REEP3: variants seen among roughly 807,000 people sequenced by gnomAD.
REEP3 encodes the protein receptor expression-enhancing protein 3.
In REEP3, 20 loss-of-function variants were observed where a neutral mutation model predicts 41.3. That is an observed-to-expected ratio of 0.48 (90% CI 0.34 to 0.70). REEP3 has a LOEUF of 0.70. REEP3 is among the 30% of genes least tolerant of loss of function. The probability of loss-of-function intolerance (pLI) is 0.01; values close to 1 mark genes in which losing one functional copy is unlikely to be tolerated. For synonymous variants in REEP3, 104 were observed against 101.8 expected (o/e 1.02, Z -0.13); for missense variants, 271 against 308.8 (o/e 0.88, Z 0.92).
intron 1 of REEP3, among the ~76,000 whole-genome samples, chr10:63,556,621 T>TC (rs1564477581): frequency 3.0e-4 from 1 of 3,284 alleles, no homozygotes; most frequent in Non-Finnish European, 2.1e-3. Flanking sequence ...CTTGTTTTTT[T>TC]TTTTGTTGTT....
intron 5 of REEP3, among the ~76,000 whole-genome samples, chr10:63,608,750 T>C (rs2133426910): frequency 6.6e-6 from 1 of 152,312 alleles, no homozygotes; most frequent in Admixed American, 6.5e-5. Context: ...AGGGGAAATG[T>C]AGTTATACAT....
chr10:63,580,383 C>A (rs1337661722), intron 2 of REEP3, among the ~76,000 whole-genome samples: 3 of 152,128 alleles, frequency 2.0e-5, no homozygotes. Context: ...GTGACCTTCC[C>A]ACTTCAGCTT....
Position 63,610,232 on chromosome 10 carries a change from G to A in REEP3, c.463G>A (p.Asp155Asn), listed in dbSNP as rs775266362. 6.2e-7 allele frequency: 1 copy of A among 1,607,250 alleles called. No homozygotes were observed. Among genetic ancestry groups the A allele is most frequent in the South Asian group, 1.1e-5 (1 of 89,758 alleles). ...ACGTTTAAGAAGCTTCAGTATGCAT[G>A]ATTTAACAACTATCCAAGGTGATGA... Reference protein sequence around the residue: ...TERLRSFSMHDLTTIQGDEPV... With the variant: ...TERLRSFSMHNLTTIQGDEPV... The change falls in exon 6 of 8, where the codon GAT becomes AAT. Residue 155 changes from aspartate (D) to asparagine (N), a missense_variant. By Grantham distance (23) the Asp-to-Asn change is conservative. Transcript: ENST00000373758.
chr10:63,544,271 G>A (rs1955556942), intron 1 of REEP3, among the ~76,000 whole-genome samples: 4 of 152,166 alleles, frequency 2.6e-5, no homozygotes, highest in African/African-American at 9.7e-5. Flanking sequence ...TAGCCTATGA[G>A]GGGATTTTTC....
intron 1 of REEP3, among the ~76,000 whole-genome samples, chr10:63,524,588 T>G (rs765677405): frequency 3.3e-5 from 5 of 151,932 alleles, no homozygotes; most frequent in Non-Finnish European, 7.4e-5. Context: ...GGACTATAGG[T>G]GCACGCCACC....
rs1956357741 is a variant in REEP3 at position 63,621,999 on chromosome 10, T to C, written c.*1130T>C. ...CACATTAGAAATTATTAGAAACATATTACTTTTTAACTTTAAATCTCAAAG... is the reference window on the plus strand; with the variant it reads ...CACATTAGAAATTATTAGAAACATACTACTTTTTAACTTTAAATCTCAAAG... On this transcript the variant is annotated 3_prime_UTR_variant, in exon 8 of 8. Transcript: ENST00000373758. The C allele has an allele frequency of 6.6e-6, 1 of 152,228 alleles. No homozygotes were observed. Among genetic ancestry groups the C allele is most frequent in the African/African-American group, 2.4e-5 (1 of 41,460 alleles). The allele number at this position is 152,228 out of a possible 1,614,324, so 9.4% of individuals were successfully genotyped here.
chr10:63,559,217 G>A (rs1162943255), intron 1 of REEP3, among the ~76,000 whole-genome samples: 2 of 152,144 alleles, frequency 1.3e-5, no homozygotes, highest in Non-Finnish European at 2.9e-5. Flanking sequence ...TCAGGGGAAA[G>A]TATAGCTAGT....
chr10:63,522,190 G>A (rs944186714), intron 1 of REEP3, among the ~76,000 whole-genome samples: 1 of 152,034 alleles, frequency 6.6e-6, no homozygotes, highest in African/African-American at 2.4e-5. Flanking sequence ...AAGGGTCCTA[G>A]TTTTCCCAAG....
At chr10:63,580,311 T>A (rs975226500) in intron 2 of REEP3, among the ~76,000 whole-genome samples, 4 of 151,996 alleles carry the variant, frequency 2.6e-5, no homozygotes, top group African/African-American at 9.7e-5. Flanking sequence ...AATTTTTGAA[T>A]TTTTTCTAGA....
intron 1 of REEP3, among the ~76,000 whole-genome samples, chr10:63,532,486 C>T (rs1955431541): frequency 6.6e-6 from 1 of 151,988 alleles, no homozygotes; most frequent in African/African-American, 2.4e-5. Context: ...CACGGTGAAA[C>T]CCTGTCTCTA....
chr10:63,524,970 C>T (rs1955346908), intron 1 of REEP3, among the ~76,000 whole-genome samples: 1 of 151,252 alleles, frequency 6.6e-6, no homozygotes, highest in Non-Finnish European at 1.5e-5. Flanking sequence ...TGAGATCGTG[C>T]CACTGCACTC....
At chr10:63,606,312 GTCTC>G (rs748629636) in intron 5 of REEP3, among the ~76,000 whole-genome samples, 84 of 89,140 alleles carry the variant, frequency 9.4e-4, no homozygotes, top group Non-Finnish European at 1.7e-3. Flanking sequence ...CTCTCTCTCT[GTCTC>G]TCTCTTTCTC....
In REEP3 at chr10:63,593,084, C is replaced by T. The variant is rs530993789; in HGVS notation, c.106-1694C>T. ...ATCCCAGCACTTCGGGAGGCCGAGG[C>T]GGGTATTCATATTTCACATTACAAT... is the stretch of plus-strand genomic sequence containing the variant. On this transcript the variant is annotated intron_variant, in intron 2 of 7. Coordinates refer to ENST00000373758, the MANE Select transcript of REEP3 (RefSeq NM_001001330.3). 5.0e-3 allele frequency among the ~76,000 whole-genome samples: 757 copies of T among 152,250 alleles called. 2 individuals are homozygous for T. Among genetic ancestry groups the T allele is most frequent in the African/African-American group, 0.015 (616 of 41,534 alleles).
At chr10:63,567,463 G>A (rs1955810646) in intron 2 of REEP3, among the ~76,000 whole-genome samples, 1 of 152,026 alleles carries the variant, frequency 6.6e-6, no homozygotes, top group Non-Finnish European at 1.5e-5. Context: ...CTTTCACTCA[G>A]CATAATGTTT....
chr10:63,594,712 T>A (rs890849807), intron 2 of REEP3, 66 bp from the exon 3 acceptor site: 1 of 940,370 alleles, frequency 1.1e-6, no homozygotes, highest in Non-Finnish European at 1.8e-6. Flanking sequence ...CATACATACA[T>A]ACATATTATT....
chr10:63,539,433 C>G (rs1177675992), intron 1 of REEP3, among the ~76,000 whole-genome samples: 1 of 152,208 alleles, frequency 6.6e-6, no homozygotes, highest in African/African-American at 2.4e-5. Context: ...GAAATTGATG[C>G]TGTCATTTAA....
At chr10:63,560,012 T>C (rs779903854) in intron 1 of REEP3, among the ~76,000 whole-genome samples, 26 of 152,120 alleles carry the variant, frequency 1.7e-4, no homozygotes, top group African/African-American at 5.5e-4. Context: ...AAGGTGTTAA[T>C]TATGTTTTAA....
intron 5 of REEP3, among the ~76,000 whole-genome samples, chr10:63,609,578 T>A (rs1284130276): frequency 6.6e-6 from 1 of 151,644 alleles, no homozygotes; most frequent in Non-Finnish European, 1.5e-5. Context: ...CTGGCCAACA[T>A]GGCGAAACCC....
At chr10:63,587,493 C>A (rs1956018695) in intron 2 of REEP3, among the ~76,000 whole-genome samples, 1 of 152,202 alleles carries the variant, frequency 6.6e-6, no homozygotes, top group Non-Finnish European at 1.5e-5. Flanking sequence ...TCTTATACTG[C>A]GGTAGGCTAA....
Sources: gnomAD v4.1 joint callset for allele counts (sites outside exome capture counted in the v4.1 genomes callset) on GRCh38, gnomAD v4.1.1 for gene constraint, MANE v1.5 for transcripts, NCBI Gene and HGNC (gene_info 2026-07-23, HGNC 2026-07-21) for gene names.